Variants in PDE8A observed in about 807,000 individuals in gnomAD.
PDE8A encodes the protein high affinity cAMP-specific and IBMX-insensitive 3',5'-cyclic phosphodiesterase 8A.
A neutral mutation model predicts 105.0 loss-of-function variants in PDE8A; 59 were observed. That is an observed-to-expected ratio of 0.56 (90% CI 0.46 to 0.70). The LOEUF is 0.70. Among genes scored for constraint, PDE8A ranks in the 30% least tolerant of loss-of-function variants. PDE8A has a pLI of 0.00. For synonymous variants in PDE8A, 355 were observed against 371.9 expected (o/e 0.95, Z 0.52); for missense variants, 1,014 against 1,045.9 (o/e 0.97, Z 0.42).
chr15:85,075,376 G>C lies in PDE8A; in HGVS notation c.435-486G>C, dbSNP rs975606330. 4.6e-5 allele frequency among the ~76,000 whole-genome samples: 7 copies of C among 152,218 alleles called. No homozygotes were observed. In the South Asian group the frequency reaches 1.0e-3, roughly 23 times the overall value. On this transcript the variant is annotated intron_variant, in intron 3 of 21. Coordinates refer to ENST00000394553, the MANE Select transcript of PDE8A (RefSeq NM_002605.3). ...GTTTTGGATTATTTTTGGTTATTTA[G>C]CCTCCATTTTACCTAGTAACTCTTC... is the stretch of plus-strand genomic sequence containing the variant.
chr15:85,020,768 A>ATAT (rs1162672618), intron 1 of PDE8A, among the ~76,000 whole-genome samples: 3 of 152,148 alleles, frequency 2.0e-5, no homozygotes, highest in Non-Finnish European at 4.4e-5. Flanking sequence ...GTATGTATCC[A>ATAT]TATTATTATT....
intron 1 of PDE8A, among the ~76,000 whole-genome samples, chr15:85,038,512 A>G (rs1049282396): frequency 6.6e-6 from 1 of 152,240 alleles, no homozygotes; most frequent in Non-Finnish European, 1.5e-5. Flanking sequence ...CAAACTAAAA[A>G]GCTTCTGTAC....
intron 6 of PDE8A, 42 bp from the exon 7 acceptor site, chr15:85,089,296 A>G (rs2081602694): frequency 2.0e-6 from 2 of 987,784 alleles, no homozygotes; most frequent in East Asian, 2.4e-5. Context: ...TTTATTTTGT[A>G]GTATTTACAT....
chr15:85,110,603 ATGT>A (rs1249198875), intron 12 of PDE8A, among the ~76,000 whole-genome samples: 1 of 152,108 alleles, frequency 6.6e-6, no homozygotes, highest in Non-Finnish European at 1.5e-5. Context: ...AGGTTCTTCC[ATGT>A]TGTTAGGTAT....
At chr15:85,056,080 C>A (rs937387764) in intron 1 of PDE8A, among the ~76,000 whole-genome samples, 3 of 152,030 alleles carry the variant, frequency 2.0e-5, no homozygotes, top group African/African-American at 7.2e-5. Flanking sequence ...CTTAGTTTGG[C>A]TGGATATGAA....
At chr15:85,006,152 T>A (rs2080143845) in intron 1 of PDE8A, among the ~76,000 whole-genome samples, 1 of 152,026 alleles carries the variant, frequency 6.6e-6, no homozygotes, top group African/African-American at 2.4e-5. Flanking sequence ...TTAGGAGACA[T>A]ACCTAATGCT....
In PDE8A at chr15:85,117,664, A is replaced by C; in HGVS notation, c.1559A>C (p.Lys520Thr). The change falls in exon 17 of 22, where the codon AAA (lysine) becomes ACA (threonine). Residue 520 changes from lysine (K) to threonine (T), a missense_variant. Physicochemically the swap from Lys to Thr is moderately conservative, Grantham distance 78 (BLOSUM62 -1). Transcript: ENST00000394553. ...HNRPLIYLGLKMFARFGICEF... is the reference protein window; with the variant it reads ...HNRPLIYLGLTMFARFGICEF... ...AGGCCTTTGATTTATCTTGGTCTCAAAATGTTTGCTCGCTTTGGAATCTGT... is the reference window on the plus strand; with the variant it reads ...AGGCCTTTGATTTATCTTGGTCTCACAATGTTTGCTCGCTTTGGAATCTGT... 3 of 1,614,120 alleles carry C rather than the reference A, an allele frequency of 1.9e-6. No individual in the cohort carries two copies. Among genetic ancestry groups the C allele is most frequent in the Non-Finnish European group, 2.5e-6 (3 of 1,179,990 alleles).
intron 20 of PDE8A, among the ~76,000 whole-genome samples, chr15:85,133,502 A>G (rs2082358788): frequency 1.3e-5 from 2 of 152,178 alleles, no homozygotes; most frequent in Non-Finnish European, 2.9e-5. Flanking sequence ...TGCAAGGTTG[A>G]GTGAAAATAC....
chr15:84,983,016 C>T (rs2079744265), intron 1 of PDE8A, among the ~76,000 whole-genome samples: 1 of 152,206 alleles, frequency 6.6e-6, no homozygotes, highest in Non-Finnish European at 1.5e-5. Flanking sequence ...ATTAAGCCGA[C>T]TTACTGGGAC....
At chr15:84,985,066 C>T (rs1045616247) in intron 1 of PDE8A, among the ~76,000 whole-genome samples, 1 of 152,196 alleles carries the variant, frequency 6.6e-6, no homozygotes, top group African/African-American at 2.4e-5. Context: ...ATCTGTGAGT[C>T]TCCAAGTGGT....
chr15:85,096,513 A>G (rs1420302202), intron 8 of PDE8A, among the ~76,000 whole-genome samples: 1 of 152,170 alleles, frequency 6.6e-6, no homozygotes, highest in South Asian at 2.1e-4. Flanking sequence ...CAGTTTTGCA[A>G]ATGTCACAAT....
At chr15:85,044,863 T>A (rs1425900736) in intron 1 of PDE8A, among the ~76,000 whole-genome samples, 1 of 152,234 alleles carries the variant, frequency 6.6e-6, no homozygotes, top group Non-Finnish European at 1.5e-5. Context: ...TTTAAGCGGC[T>A]TTTCATGAAA....
At chr15:85,034,429 T>C (rs1340826855) in intron 1 of PDE8A, among the ~76,000 whole-genome samples, 2 of 152,020 alleles carry the variant, frequency 1.3e-5, no homozygotes, top group African/African-American at 4.8e-5. Context: ...AATGTGGAGA[T>C]TGATACAGTA....
intron 1 of PDE8A, among the ~76,000 whole-genome samples, chr15:84,992,211 G>C (rs148128649): frequency 1.3e-3 from 192 of 152,244 alleles, no homozygotes; most frequent in African/African-American, 4.4e-3. Context: ...ACCTGGAAGT[G>C]ATGATGGCAC....
intron 8 of PDE8A, among the ~76,000 whole-genome samples, chr15:85,096,111 G>A (rs1021422689): frequency 1.3e-5 from 2 of 151,918 alleles, no homozygotes; most frequent in Non-Finnish European, 2.9e-5. Context: ...TCTTGACCTC[G>A]TGATCCACTC....
At chr15:85,128,137 A>G (rs1596546249) in intron 20 of PDE8A, among the ~76,000 whole-genome samples, 1 of 151,928 alleles carries the variant, frequency 6.6e-6, no homozygotes, top group South Asian at 2.1e-4. Context: ...AGCTAAAACC[A>G]TAAAGCTTTT....
chr15:84,996,953 G>A (rs1047442667), intron 1 of PDE8A, among the ~76,000 whole-genome samples: 10 of 151,260 alleles, frequency 6.6e-5, no homozygotes, highest in African/African-American at 1.9e-4. Context: ...GAAGGCCTAC[G>A]ATATTACTGT....
chr15:85,133,170 G>A (rs2082353253), intron 20 of PDE8A, among the ~76,000 whole-genome samples: 1 of 152,120 alleles, frequency 6.6e-6, no homozygotes, highest in Non-Finnish European at 1.5e-5. Flanking sequence ...ATACACAGCT[G>A]CTTTCAGATG....
At position 85,066,924 on chromosome 15, in the gene PDE8A, G is replaced by C. The variant is rs527986759; in HGVS notation, c.244-90G>C. 4.0e-5 allele frequency: 39 copies of C among 964,632 alleles called. No individual in the cohort carries two copies. In the African/African-American group the frequency reaches 5.8e-4, roughly 14 times the overall value. The allele number at this position is 964,632 out of a possible 1,614,324, so 59.8% of individuals were successfully genotyped here. ...ATTACACTCCAGCCTGAGCAACAGA[G>C]CAAGACTCTGTCTCAAGAAAAAAAA... On this transcript the variant is annotated intron_variant, in intron 2 of 21. Transcript: ENST00000394553.
Sources: allele counts gnomAD v4.1 joint callset (sites outside exome capture counted in the v4.1 genomes callset), GRCh38; gene constraint gnomAD v4.1.1; transcripts MANE v1.5; gene names NCBI Gene and HGNC (gene_info 2026-07-23, HGNC 2026-07-21).